The following MLIP variants were observed in gnomAD, a reference collection of about 807,000 sequenced individuals.
The protein encoded by MLIP is muscular LMNA-interacting protein.
MLIP carries 79 observed loss-of-function variants against 84.8 expected under a neutral mutation model. The ratio of observed to expected loss-of-function variants is 0.93; its 90% confidence interval spans 0.78 to 1.12. MLIP has a LOEUF of 1.12. Ranked by LOEUF, MLIP falls within the 50% of genes most tolerant of loss-of-function variation. The pLI, the probability that MLIP is intolerant of heterozygous loss-of-function variation, is 0.00. For synonymous variants in MLIP, 504 were observed against 463.0 expected, an observed-to-expected ratio of 1.09 and a Z score of -1.14; for missense variants, 1,257 against 1,160.6, an observed-to-expected ratio of 1.08 and a Z score of -1.21.
rs147679618 is a variant in MLIP, at chr6:54,103,511, T to G, written c.64-17936T>G. Among the ~76,000 whole-genome samples, 199 of 152,308 alleles carry G rather than the reference T, an allele frequency of 1.3e-3. 1 individual carries two copies. The highest frequency in any genetic ancestry group is 4.7e-3 in the African/African-American group (194 of 41,576). On this transcript the variant is annotated intron_variant, in intron 1 of 12. Transcript: ENST00000274897. ...CACAGCTAGTAAGTGCAGAGGGTGATGTGATACCACATCGGTGCTCTCTGA... is the reference window on the plus strand; with the variant it reads ...CACAGCTAGTAAGTGCAGAGGGTGAGGTGATACCACATCGGTGCTCTCTGA...
chr6:54,192,250 G>C (rs962833260), intron 10 of MLIP, among the ~76,000 whole-genome samples: 1 of 151,734 alleles, frequency 6.6e-6, no homozygotes, highest in Non-Finnish European at 1.5e-5. Context: ...AAATGCCCTT[G>C]AGATACAGGT....
intron 5 of MLIP, among the ~76,000 whole-genome samples, chr6:54,155,671 A>T (rs1158405974): frequency 1.3e-5 from 2 of 152,128 alleles, no homozygotes; most frequent in Non-Finnish European, 1.5e-5. Flanking sequence ...AACTGGGAAT[A>T]CCCATTACAG....
intron 1 of MLIP, among the ~76,000 whole-genome samples, chr6:54,096,518 C>T (rs186117788): frequency 7.2e-5 from 11 of 152,120 alleles, no homozygotes; most frequent in Middle Eastern, 3.4e-3. Flanking sequence ...TGTACCTTCT[C>T]GGGGAAGCCC....
chr6:54,168,389 G>A (rs1310657026), intron 8 of MLIP, among the ~76,000 whole-genome samples: 1 of 151,744 alleles, frequency 6.6e-6, no homozygotes, highest in African/African-American at 2.4e-5. Context: ...TTTTGTAGAA[G>A]CAAATAAATT....
chr6:54,164,201 C>G (rs969714802), intron 8 of MLIP, among the ~76,000 whole-genome samples: 2 of 151,874 alleles, frequency 1.3e-5, no homozygotes, highest in African/African-American at 4.8e-5. Flanking sequence ...TTTTCTTCCC[C>G]TTACATTTTC....
chr6:54,264,424 G>A (rs1488455481), intron 13 of MLIP, among the ~76,000 whole-genome samples: 4 of 152,082 alleles, frequency 2.6e-5, no homozygotes, highest in South Asian at 2.1e-4. Context: ...AATATAAAAC[G>A]TGGAATAAGC....
intron 1 of MLIP, among the ~76,000 whole-genome samples, chr6:54,048,001 T>C (rs549052530): frequency 6.6e-6 from 1 of 152,224 alleles, no homozygotes; most frequent in South Asian, 2.1e-4. Flanking sequence ...TAGTAAGTGG[T>C]TGATGAGAGA....
intron 1 of MLIP, among the ~76,000 whole-genome samples, chr6:54,081,393 A>AT (rs35719855): frequency 2.6e-4 from 39 of 150,756 alleles, no homozygotes; most frequent in Admixed American, 5.9e-4. Flanking sequence ...GGGTCCACAT[A>AT]TTTTTTTTTT....
chr6:54,070,616 T>C (rs1375467718), intron 1 of MLIP, among the ~76,000 whole-genome samples: 6 of 152,148 alleles, frequency 3.9e-5, no homozygotes, highest in African/African-American at 1.2e-4. Flanking sequence ...GTTGCCCAGG[T>C]CAAAGAGAAA....
intron 11 of MLIP, among the ~76,000 whole-genome samples, chr6:54,207,265 A>G (rs1009984827): frequency 4.6e-5 from 7 of 152,154 alleles, no homozygotes; most frequent in South Asian, 2.1e-4. Context: ...TACATAATAG[A>G]CAAATTATCA....
chr6:54,114,490 C>T (rs1049620755), intron 1 of MLIP, among the ~76,000 whole-genome samples: 1 of 152,106 alleles, frequency 6.6e-6, no homozygotes, highest in African/African-American at 2.4e-5. Flanking sequence ...TCTCATATTC[C>T]ACTTCCAATT....
At chr6:54,177,133 G>A (rs1413615338) in intron 9 of MLIP, among the ~76,000 whole-genome samples, 3 of 151,886 alleles carry the variant, frequency 2.0e-5, no homozygotes, top group Non-Finnish European at 2.9e-5. Flanking sequence ...ATTCAGGACT[G>A]GCACAGGCAA....
chr6:54,217,040 G>C (rs1372132493), intron 11 of MLIP: 3 of 985,428 alleles, frequency 3.0e-6, no homozygotes, highest in Non-Finnish European at 3.6e-6. Flanking sequence ...GACAGCAAAG[G>C]AAAGCTGAAA....
intron 11 of MLIP, 53 bp downstream of exon 11, chr6:54,202,286 TAAAA>T: frequency 7.3e-6 from 6 of 823,274 alleles, no homozygotes; most frequent in Non-Finnish European, 7.6e-6. Context: ...TAAATATATA[TAAAA>T]TATATATAAA....
At chr6:54,097,480 A>T (rs942285032) in intron 1 of MLIP, among the ~76,000 whole-genome samples, 1 of 152,214 alleles carries the variant, frequency 6.6e-6, no homozygotes, top group Non-Finnish European at 1.5e-5. Flanking sequence ...ACAGCTTAAA[A>T]TTATTGTTAT....
intron 10 of MLIP, among the ~76,000 whole-genome samples, chr6:54,192,677 T>C (rs1194813547): frequency 1.3e-5 from 2 of 151,940 alleles, no homozygotes; most frequent in African/African-American, 2.4e-5. Flanking sequence ...ATAGATGACA[T>C]ATGAGGTAAT....
intron 1 of MLIP, chr6:54,083,578 G>C: frequency 2.0e-6 from 3 of 1,535,998 alleles, no homozygotes; most frequent in Non-Finnish European, 2.6e-6. Flanking sequence ...CGTGGCACCG[G>C]ATTCCATGTG....
At chr6:54,173,737 A>G (rs1775996996) in intron 9 of MLIP, among the ~76,000 whole-genome samples, 1 of 151,862 alleles carries the variant, frequency 6.6e-6, no homozygotes, top group East Asian at 1.9e-4. Context: ...ATCTGATTAT[A>G]CTCTTTTAGT....
chr6:54,146,419 T>G (rs1356941402), intron 4 of MLIP, among the ~76,000 whole-genome samples: 2 of 152,242 alleles, frequency 1.3e-5, no homozygotes, highest in South Asian at 2.1e-4. Context: ...GTAGTGGAAT[T>G]CTTCACTTGA....
Sources: allele counts gnomAD v4.1 joint callset (sites outside exome capture counted in the v4.1 genomes callset), GRCh38; gene constraint gnomAD v4.1.1; transcripts MANE v1.5; gene names NCBI Gene and HGNC (gene_info 2026-07-23, HGNC 2026-07-21).